The following IFT80 variants were observed in gnomAD, a reference collection of about 807,000 sequenced individuals.
IFT80 encodes intraflagellar transport protein 80 homolog.
IFT80 carries 79 observed loss-of-function variants against 107.9 expected under a neutral mutation model. That is an observed-to-expected ratio of 0.73 (90% CI 0.61 to 0.88). IFT80 has a LOEUF of 0.88. IFT80 is among the 40% of genes least tolerant of loss of function. The pLI, the probability that IFT80 is intolerant of heterozygous loss-of-function variation, is 0.00. For synonymous variants in IFT80, 299 were observed against 300.9 expected, an observed-to-expected ratio of 0.99 and a Z score of 0.07; for missense variants, 797 against 914.2, an observed-to-expected ratio of 0.87 and a Z score of 1.65.
intron 18 of IFT80, among the ~76,000 whole-genome samples, chr3:160,272,231 T>TAAAAC (rs1713867898): frequency 6.6e-6 from 1 of 152,018 alleles, no homozygotes; most frequent in South Asian, 2.1e-4. Flanking sequence ...AAACAAACCA[T>TAAAAC]AAAACAAAAC....
chr3:160,357,698 T>G, intron 6 of IFT80, 120 bp from the exon 7 acceptor site: 1 of 654,558 alleles, frequency 1.5e-6, no homozygotes, highest in Non-Finnish European at 2.7e-6. Flanking sequence ...GGGATTCCTA[T>G]CTTCCTTTTA....
intron 8 of IFT80, among the ~76,000 whole-genome samples, chr3:160,351,009 C>T (rs1720657325): frequency 6.6e-6 from 1 of 151,790 alleles, no homozygotes; most frequent in Non-Finnish European, 1.5e-5. Flanking sequence ...AAAACCTGTA[C>T]ATTTTATTTG....
intron 15 of IFT80, among the ~76,000 whole-genome samples, 187 bp from the exon 16 acceptor site, chr3:160,279,551 A>C (rs1714528473): frequency 6.6e-6 from 1 of 152,242 alleles, no homozygotes; most frequent in African/African-American, 2.4e-5. Flanking sequence ...ATTTATTTGA[A>C]TACATATTCT....
At chr3:160,278,916 G>A (rs1197231967) in intron 16 of IFT80, among the ~76,000 whole-genome samples, 2 of 152,172 alleles carry the variant, frequency 1.3e-5, no homozygotes, top group East Asian at 3.9e-4. Flanking sequence ...AATCTCTACG[G>A]GAGTAGAACT....
chr3:160,355,559 T>C (rs1721011764), intron 8 of IFT80, among the ~76,000 whole-genome samples: 1 of 152,174 alleles, frequency 6.6e-6, no homozygotes, highest in South Asian at 2.1e-4. Context: ...CCATGTCCTC[T>C]GGTCTTAAAA....
At chr3:160,397,814 C>T (rs1188188161) in intron 1 of IFT80, among the ~76,000 whole-genome samples, 3 of 151,448 alleles carry the variant, frequency 2.0e-5, no homozygotes, top group Middle Eastern at 3.2e-3. Context: ...CTCCGCCTCC[C>T]GGGTTCAAGA....
chr3:160,365,892 T>G, intron 6 of IFT80, 151 bp downstream of exon 6: 1 of 676,166 alleles, frequency 1.5e-6, no homozygotes, highest in South Asian at 1.6e-5. Flanking sequence ...ATAAAGATAT[T>G]CCTTGTTCTG....
intron 1 of IFT80, among the ~76,000 whole-genome samples, chr3:160,397,767 G>A (rs1328695921): frequency 2.8e-5 from 4 of 142,014 alleles, no homozygotes; most frequent in Non-Finnish European, 4.5e-5. Flanking sequence ...TGTTGCCCAG[G>A]CTGTAGTGCA....
At chr3:160,383,579 T>G in intron 2 of IFT80, 1 of 835,042 alleles carries the variant, frequency 1.2e-6, no homozygotes, top group Non-Finnish European at 1.4e-6. Context: ...AATTGGACAT[T>G]ATAACAATGT....
intron 19 of IFT80, among the ~76,000 whole-genome samples, chr3:160,268,057 T>C (rs1713482813): frequency 6.6e-6 from 1 of 152,194 alleles, no homozygotes; most frequent in Non-Finnish European, 1.5e-5. Context: ...CCTCTGTGCA[T>C]ATATATTTCC....
At chr3:160,387,577 T>C (rs777995051) in intron 1 of IFT80, among the ~76,000 whole-genome samples, 3 of 152,188 alleles carry the variant, frequency 2.0e-5, no homozygotes, top group Non-Finnish European at 2.9e-5. Context: ...TTGCCATTTA[T>C]TGAAATGAGG....
intron 1 of IFT80, among the ~76,000 whole-genome samples, chr3:160,389,888 TC>T (rs1713233340): frequency 6.6e-6 from 1 of 152,126 alleles, no homozygotes; most frequent in Non-Finnish European, 1.5e-5. Context: ...TAGTTCTAGA[TC>T]CCTGAGGAAT....
chr3:160,281,028 A>T (rs183316666), intron 14 of IFT80, among the ~76,000 whole-genome samples: 2 of 152,282 alleles, frequency 1.3e-5, no homozygotes, highest in Admixed American at 6.5e-5. Context: ...TATATTTTTA[A>T]TCTGTAAATC....
intron 8 of IFT80, among the ~76,000 whole-genome samples, chr3:160,339,347 A>G (rs1719720124): frequency 6.6e-6 from 1 of 152,240 alleles, no homozygotes. Flanking sequence ...AATGTAAAAA[A>G]TGTCCAAAGA....
intron 5 of IFT80, 68 bp from the exon 6 acceptor site, chr3:160,366,220 ATTG>A (rs1044206501): frequency 1.7e-6 from 2 of 1,147,676 alleles, no homozygotes; most frequent in African/African-American, 1.5e-5. Context: ...AAAAAGAGAG[ATTG>A]TTAAGAGGAT....
chr3:160,323,323 G>C lies in IFT80; in HGVS notation c.778-3384C>G, dbSNP rs371038803. Among the ~76,000 whole-genome samples, 252 of 149,526 alleles carry C rather than the reference G, an allele frequency of 1.7e-3. 1 individual carries two copies. Among genetic ancestry groups the C allele is most frequent in the East Asian group, 0.013 (65 of 5,022 alleles). On this transcript the variant is annotated intron_variant, in intron 8 of 19. Coordinates refer to ENST00000326448, the MANE Select transcript of IFT80 (RefSeq NM_020800.3). ...TTTCCCCATTGCTTGTTTTTCTCAG[G>C]TTTGTCAAAGATCAGATAGTTGTAG...
intron 1 of IFT80, among the ~76,000 whole-genome samples, chr3:160,386,727 C>T (rs893402913): frequency 6.6e-6 from 1 of 152,138 alleles, no homozygotes; most frequent in African/African-American, 2.4e-5. Context: ...AATTGATCTT[C>T]CTATTCCTAC....
chr3:160,330,484 T>C (rs1460067650), intron 8 of IFT80, among the ~76,000 whole-genome samples: 2 of 152,208 alleles, frequency 1.3e-5, no homozygotes, highest in East Asian at 1.9e-4. Flanking sequence ...TTTTCTTCTT[T>C]TGCACTTTTT....
chr3:160,353,545 T>A lies in IFT80; in HGVS notation c.777+2468A>T, dbSNP rs770429734. ...TACAGACATTGCACAAAAAGCACCA[T>A]ACTCTTTTGTACTTTGATTCACAAG... On this transcript the variant is annotated intron_variant, in intron 8 of 19. Coordinates refer to ENST00000326448, the MANE Select transcript of IFT80 (RefSeq NM_020800.3). Among the ~76,000 whole-genome samples the A allele has an allele frequency of 1.1e-4, 17 of 152,208 alleles. No individual in the cohort carries two copies. The East Asian group carries it at 1.5e-3, about 14-fold the overall frequency.
Sources: allele counts gnomAD v4.1 joint callset (sites outside exome capture counted in the v4.1 genomes callset), GRCh38; gene constraint gnomAD v4.1.1; transcripts MANE v1.5; gene names NCBI Gene and HGNC (gene_info 2026-07-23, HGNC 2026-07-21).